INO80D: variants seen among roughly 807,000 people sequenced by gnomAD.
INO80D encodes the protein INO80 complex subunit D.
In INO80D, 21 loss-of-function variants were observed where a neutral mutation model predicts 87.6. That is an observed-to-expected ratio of 0.24 (90% confidence interval 0.17 to 0.35). The LOEUF (loss-of-function observed/expected upper bound fraction) is 0.35, where lower values mean the gene tolerates loss of function less well. Ranked by LOEUF, INO80D falls within the 10% of genes least tolerant of loss-of-function variation. The probability of loss-of-function intolerance (pLI) is 1.00; values close to 1 mark genes in which losing one functional copy is unlikely to be tolerated. For synonymous variants in INO80D, 440 were observed against 491.0 expected, an observed-to-expected ratio of 0.90 and a Z score of 1.37; for missense variants, 982 against 1,280.7, an observed-to-expected ratio of 0.77 and a Z score of 3.56.
At chr2:206,070,676 C>T (rs537726521) in intron 1 of INO80D, among the ~76,000 whole-genome samples, 6 of 151,738 alleles carry the variant, frequency 4.0e-5, no homozygotes, top group African/African-American at 1.5e-4. Flanking sequence ...GGCAAGATCA[C>T]GCCACTGCAC....
intron 1 of INO80D, among the ~76,000 whole-genome samples, chr2:206,081,958 A>G (rs1690298265): frequency 6.6e-6 from 1 of 152,214 alleles, no homozygotes; most frequent in East Asian, 1.9e-4. Flanking sequence ...ATCAGAACTC[A>G]AAGCCCAGTC....
At chr2:206,080,503 ATATT>A (rs1375180157) in intron 1 of INO80D, among the ~76,000 whole-genome samples, 1 of 152,228 alleles carries the variant, frequency 6.6e-6, no homozygotes, top group Non-Finnish European at 1.5e-5. Context: ...TGGCAAAAAT[ATATT>A]TATTTGCCCC....
chr2:206,042,040 G>A (rs1689064491), intron 5 of INO80D, among the ~76,000 whole-genome samples: 1 of 152,082 alleles, frequency 6.6e-6, no homozygotes, highest in Admixed American at 6.6e-5. Context: ...GCTGACATGG[G>A]TGGATCTCTT....
At chr2:206,027,163 C>T (rs1435638896) in intron 6 of INO80D, among the ~76,000 whole-genome samples, 1 of 150,958 alleles carries the variant, frequency 6.6e-6, no homozygotes, top group Non-Finnish European at 1.5e-5. Flanking sequence ...CGCGCACACA[C>T]ACACACACAC....
intron 7 of INO80D, among the ~76,000 whole-genome samples, chr2:206,018,466 C>T (rs1037534036): frequency 5.9e-5 from 9 of 152,006 alleles, no homozygotes; most frequent in Non-Finnish European, 1.2e-4. Flanking sequence ...TTTTTTTAAA[C>T]AGCTCTTAAA....
chr2:206,033,001 T>C (rs979190764), intron 5 of INO80D, among the ~76,000 whole-genome samples: 1 of 152,192 alleles, frequency 6.6e-6, no homozygotes, highest in Non-Finnish European at 1.5e-5. Context: ...TAACATTGAA[T>C]GTAAATGACC....
intron 1 of INO80D, among the ~76,000 whole-genome samples, chr2:206,084,980 TAGC>T (rs1179411321): frequency 4.6e-5 from 7 of 151,894 alleles, no homozygotes; most frequent in East Asian, 2.0e-4. Context: ...GGGCTGGAGT[TAGC>T]AGCCCCGAAT....
chr2:206,046,749 T>C, intron 4 of INO80D, 137 bp from the exon 5 acceptor site: 1 of 592,532 alleles, frequency 1.7e-6, no homozygotes, highest in Non-Finnish European at 3.0e-6. Context: ...TGTCTCCTGA[T>C]GAATCTCATT....
rs2909111 is a variant in INO80D at position 206,046,504 on chromosome 2, G to A, written c.1073C>T (p.Ala358Val). Residue 358 changes from alanine to valine, a missense_variant and splice_region_variant, in exon 5 of 11, where the codon GCG becomes GTG. Ala to Val is a moderately conservative substitution (Grantham distance 64). Coordinates refer to ENST00000403263, the MANE Select transcript of INO80D (RefSeq NM_017759.5). ...AATAAAAACAGAACAGAAGACTTAC[G>A]CATGTCTTTGATATCTGAGGGTTTC... ...IRETLRYQRHASDDDDAESRS... is the reference protein window; with the variant it reads ...IRETLRYQRHVSDDDDAESRS... 0.37 allele frequency: 583,369 copies of A among 1,575,028 alleles called. 112,286 individuals carry two copies. Among genetic ancestry groups the A allele is most frequent in the South Asian group, 0.58 (52,148 of 90,310 alleles).
At chr2:206,036,120 G>C (rs954148003) in intron 5 of INO80D, among the ~76,000 whole-genome samples, 1 of 152,060 alleles carries the variant, frequency 6.6e-6, no homozygotes, top group African/African-American at 2.4e-5. Flanking sequence ...GGTGATCAGG[G>C]AACACTTCTA....
At chr2:206,066,715 G>A (rs753533909) in intron 1 of INO80D, among the ~76,000 whole-genome samples, 1 of 150,582 alleles carries the variant, frequency 6.6e-6, no homozygotes, top group Non-Finnish European at 1.5e-5. Flanking sequence ...TGAGGCAGGA[G>A]AATCACTTGA....
chr2:206,085,094 G>A lies in INO80D; in HGVS notation c.-124+807C>T, dbSNP rs566723229. Among the ~76,000 whole-genome samples the A allele has an allele frequency of 6.6e-6, 1 of 152,134 alleles. No individual in the cohort carries two copies. The highest frequency in any genetic ancestry group is 1.5e-5 in the Non-Finnish European group (1 of 67,986). ...GCAAAGAGTTTCAAAATAGCCGAGT[G>A]CGCTCCCCCACGCCCTGGGGGGTCC... On this transcript the variant is annotated intron_variant, in intron 1 of 10. Transcript: ENST00000403263. This position sits in a 1 kb window ranked among gnomAD's most constrained non-coding sequence, Gnocchi z 4.5.
At chr2:206,011,879 T>A (rs1159912004) in intron 8 of INO80D, among the ~76,000 whole-genome samples, 1 of 151,964 alleles carries the variant, frequency 6.6e-6, no homozygotes, top group Non-Finnish European at 1.5e-5. Context: ...CAGACAAATG[T>A]TAGGAAGAAA....
chr2:206,080,703 C>G (rs1270839420), intron 1 of INO80D, among the ~76,000 whole-genome samples: 1 of 151,580 alleles, frequency 6.6e-6, no homozygotes, highest in Non-Finnish European at 1.5e-5. Flanking sequence ...GTCAGGAGAC[C>G]GAGACCATCC....
chr2:206,008,604 C>T (rs1467395701), intron 9 of INO80D, among the ~76,000 whole-genome samples: 2 of 152,058 alleles, frequency 1.3e-5, no homozygotes, highest in Non-Finnish European at 1.5e-5. Flanking sequence ...TCAACAGAAA[C>T]ATGAGAAACC....
At chr2:206,083,727 AGTG>A (rs1432927733) in intron 1 of INO80D, among the ~76,000 whole-genome samples, 3 of 152,114 alleles carry the variant, frequency 2.0e-5, no homozygotes, top group Admixed American at 6.5e-5. Context: ...TTGCCCTGCA[AGTG>A]GTAGCTTTTC....
chr2:206,050,496 GAAAAAAAAAAAAAAAA>G (rs3079265), intron 4 of INO80D, among the ~76,000 whole-genome samples: 3 of 99,544 alleles, frequency 3.0e-5, no homozygotes, highest in South Asian at 3.5e-4. Context: ...CGTCTCAAAA[GAAAAAAAAAAAAAAAA>G]AAAAAAAAAA....
chr2:206,010,061 C>G (rs1246174703), intron 8 of INO80D, among the ~76,000 whole-genome samples: 1 of 115,572 alleles, frequency 8.7e-6, no homozygotes, highest in African/African-American at 2.8e-5. Flanking sequence ...TTGACACTGT[C>G]TACACACACA....
chr2:206,028,080 TC>T (rs1688664394), intron 6 of INO80D, 30 bp downstream of exon 6: 2 of 1,422,520 alleles, frequency 1.4e-6, no homozygotes, highest in Non-Finnish European at 1.9e-6. Flanking sequence ...CTGAGATGAG[TC>T]CCTTAAGAAT....
Sources: gnomAD v4.1 joint callset for allele counts (sites outside exome capture counted in the v4.1 genomes callset) on GRCh38, gnomAD v4.1.1 for gene constraint, Gnocchi (gnomAD v3.1) non-coding constraint, MANE v1.5 for transcripts, NCBI Gene and HGNC (gene_info 2026-07-23, HGNC 2026-07-21) for gene names.